LZTS1: variants seen among roughly 807,000 people sequenced by gnomAD.
The protein encoded by LZTS1 is leucine zipper putative tumor suppressor 1.
A neutral mutation model predicts 45.8 loss-of-function variants in LZTS1; 31 were observed. The observed-to-expected ratio is 0.68, with a 90% CI of 0.51 to 0.91. The LOEUF (loss-of-function observed/expected upper bound fraction) is 0.91, where lower values mean the gene tolerates loss of function less well. Ranked by LOEUF, LZTS1 falls within the 40% of genes least tolerant of loss-of-function variation. LZTS1 has a pLI of 0.00. For synonymous variants in LZTS1, 359 were observed against 357.3 expected, an observed-to-expected ratio of 1.00 and a Z score of -0.05; for missense variants, 821 against 788.9, an observed-to-expected ratio of 1.04 and a Z score of -0.49.
At chr8:20,281,698 A>G (rs943303361) in intron 1 of LZTS1, among the ~76,000 whole-genome samples, 2 of 152,096 alleles carry the variant, frequency 1.3e-5, no homozygotes, top group African/African-American at 4.8e-5. Context: ...TCCCTCTATT[A>G]CCATGTGATA....
At chr8:20,281,563 C>T (rs1021419895) in intron 1 of LZTS1, among the ~76,000 whole-genome samples, 1 of 152,246 alleles carries the variant, frequency 6.6e-6, no homozygotes, top group Admixed American at 6.5e-5. Context: ...AAGAGTGAAA[C>T]TCTGTCTCAA....
intron 2 of LZTS1, 28 bp downstream of exon 2, chr8:20,254,809 C>G (rs776304547): frequency 2.3e-5 from 36 of 1,572,642 alleles, no homozygotes; most frequent in Non-Finnish European, 9.5e-6. Context: ...TTCCAACCCA[C>G]TTACCCTTGC....
chr8:20,250,691 G>T (rs375543498), intron 3 of LZTS1, among the ~76,000 whole-genome samples: 12 of 151,978 alleles, frequency 7.9e-5, no homozygotes, highest in Non-Finnish European at 1.5e-4. Flanking sequence ...TGCAACCTCC[G>T]CCTCCCCTCT....
chr8:20,259,091 C>T (rs368391109), intron 1 of LZTS1, among the ~76,000 whole-genome samples: 2 of 152,128 alleles, frequency 1.3e-5, no homozygotes, highest in East Asian at 3.9e-4. Context: ...GCAATATGCT[C>T]AGCTCCTCCT....
intron 1 of LZTS1, among the ~76,000 whole-genome samples, chr8:20,269,979 T>A (rs1197751451): frequency 6.6e-6 from 1 of 152,118 alleles, no homozygotes; most frequent in Non-Finnish European, 1.5e-5. Context: ...AAAGAGGGTG[T>A]TGGGGCCCCT....
intron 1 of LZTS1, chr8:20,289,444 G>A (rs1800859226): frequency 6.6e-6 from 1 of 152,290 alleles, no homozygotes; most frequent in Non-Finnish European, 1.5e-5. Context: ...TCCCTCAGAA[G>A]CTCAGGTCTG....
At chr8:20,298,748 C>T (rs1801019347) in intron 1 of LZTS1, among the ~76,000 whole-genome samples, 1 of 152,096 alleles carries the variant, frequency 6.6e-6, no homozygotes, top group South Asian at 2.1e-4. Context: ...CTTGTGGTCC[C>T]AGCTACTTGG....
chr8:20,282,007 C>T (rs938899958), intron 1 of LZTS1, among the ~76,000 whole-genome samples: 1 of 152,112 alleles, frequency 6.6e-6, no homozygotes, highest in Non-Finnish European at 1.5e-5. Flanking sequence ...CAGAAACAGG[C>T]TCCGTTCTCT....
Position 20,303,786 on chromosome 8 carries a change from G to A in LZTS1, c.-181C>T, listed in dbSNP as rs1259651767. ...CACTTGAGACTTTTTTTTTTTCCCAGTGTTTCCCGGTGTGTTCCCGTCTCT... is the reference window on the plus strand; with the variant it reads ...CACTTGAGACTTTTTTTTTTTCCCAATGTTTCCCGGTGTGTTCCCGTCTCT... On this transcript the variant is annotated 5_prime_UTR_variant, in exon 1 of 4. Coordinates refer to ENST00000381569, the MANE Select transcript of LZTS1 (RefSeq NM_021020.5). 1.0e-6 allele frequency: 1 copy of A among 984,468 alleles called. No individual in the cohort carries two copies. Among genetic ancestry groups the A allele is most frequent in the African/African-American group, 1.8e-5 (1 of 56,914 alleles). The allele number at this position is 984,468 out of a possible 1,614,324, so 61.0% of individuals were successfully genotyped here.
intron 3 of LZTS1, among the ~76,000 whole-genome samples, chr8:20,250,739 C>T (rs1165809694): frequency 2.0e-5 from 3 of 151,976 alleles, no homozygotes; most frequent in Non-Finnish European, 2.9e-5. Flanking sequence ...GCTGGGATTA[C>T]AGACACCTGC....
chr8:20,269,771 T>G (rs1332869400), intron 1 of LZTS1, among the ~76,000 whole-genome samples: 14 of 152,156 alleles, frequency 9.2e-5, no homozygotes, highest in Admixed American at 7.9e-4. Flanking sequence ...TCTCTGACTT[T>G]GTGGGATGCC....
In LZTS1 at chr8:20,303,949, C is replaced by G. The variant is rs1317125456; in HGVS notation, c.-344G>C. On this transcript the variant is annotated 5_prime_UTR_variant, in exon 1 of 4. Coordinates refer to ENST00000381569, the MANE Select transcript of LZTS1 (RefSeq NM_021020.5). ...CCGCTGCCAACCCGCCAGCTCCAGG[C>G]GCGCCGGCCTCTGCGCGGGTCCCGG... is the stretch of plus-strand genomic sequence containing the variant. 49 of 974,132 alleles carry G rather than the reference C, an allele frequency of 5.0e-5. No individual in the cohort carries two copies. Among genetic ancestry groups the G allele is most frequent in the Middle Eastern group, 5.3e-4 (1 of 1,896 alleles). 60.3% of individuals were successfully genotyped at this position (974,132 alleles called of 1,614,324 possible).
intron 1 of LZTS1, among the ~76,000 whole-genome samples, chr8:20,272,057 C>G (rs1253504143): frequency 6.6e-6 from 1 of 152,230 alleles, no homozygotes; most frequent in African/African-American, 2.4e-5. Context: ...TTATTGTGCA[C>G]AGTCTCCATC....
rs748280861 is a variant in LZTS1, at chr8:20,255,217, A to C, written c.-36T>G. 1.1e-5 allele frequency: 17 copies of C among 1,581,992 alleles called. No individual in the cohort carries two copies. The East Asian group carries it at 3.4e-4, about 31-fold the overall frequency. On this transcript the variant is annotated 5_prime_UTR_variant, in exon 2 of 4. Transcript: ENST00000381569. ...GGCTGAGGATGGGGCAGGGCCGGGC[A>C]GGGTCTTGGAAAGGCTGTGGCAGCA...
At position 20,255,260 on chromosome 8, in the gene LZTS1, C is replaced by T. The variant is rs979628444; in HGVS notation, c.-79G>A. On this transcript the variant is annotated 5_prime_UTR_variant, in exon 2 of 4. Coordinates refer to ENST00000381569, the MANE Select transcript of LZTS1 (RefSeq NM_021020.5). The stretch of plus-strand genomic sequence containing the variant: ...TGGCAGCAAGGGGCAGTCGTGGCTC[C>T]GTGAGGGGACTGAGGTCATAGCAAA... The T allele has an allele frequency of 1.4e-5, 21 of 1,510,504 alleles. No homozygotes were observed. The highest frequency in any genetic ancestry group is 1.3e-4 in the South Asian group (10 of 76,860). The allele number at this position is 1,510,504 out of a possible 1,614,324, so 93.6% of individuals were successfully genotyped here. A position where few individuals can be genotyped will look rare whatever the true frequency, so the allele number is the denominator to read the frequency against.
chr8:20,292,417 A>G (rs1269316197), intron 1 of LZTS1, among the ~76,000 whole-genome samples: 1 of 152,240 alleles, frequency 6.6e-6, no homozygotes, highest in Non-Finnish European at 1.5e-5. Context: ...TAAGCTGTGC[A>G]CATATGAGAG....
chr8:20,259,513 C>T (rs993802868), intron 1 of LZTS1, among the ~76,000 whole-genome samples: 40 of 152,184 alleles, frequency 2.6e-4, no homozygotes, highest in Admixed American at 2.4e-3. Flanking sequence ...ACATCTGAAG[C>T]GTCCAGGTCA....
chr8:20,289,242 C>G (rs1029671661), intron 1 of LZTS1: 2 of 152,178 alleles, frequency 1.3e-5, no homozygotes, highest in African/African-American at 4.8e-5. Flanking sequence ...AGTCACCGAT[C>G]TAACCAACGG....
intron 1 of LZTS1, among the ~76,000 whole-genome samples, chr8:20,295,130 CCCTG>C (rs1800959767): frequency 6.6e-6 from 1 of 152,078 alleles, no homozygotes; most frequent in Non-Finnish European, 1.5e-5. Context: ...GGTCAGTCTG[CCCTG>C]CCTGACGCTG....
Sources: allele counts gnomAD v4.1 joint callset (sites outside exome capture counted in the v4.1 genomes callset), GRCh38; gene constraint gnomAD v4.1.1; transcripts MANE v1.5; gene names NCBI Gene and HGNC (gene_info 2026-07-23, HGNC 2026-07-21).